The following UBE4A variants were observed in gnomAD, a reference collection of about 807,000 sequenced individuals.
UBE4A encodes ubiquitination factor E4A, also known as ubiquitin conjugation factor E4 A.
A neutral mutation model predicts 117.9 loss-of-function variants in UBE4A; 48 were observed. That is an observed-to-expected ratio of 0.41 (90% CI 0.32 to 0.52). The LOEUF is 0.52. UBE4A is among the 20% of genes least tolerant of loss of function. The probability of loss-of-function intolerance (pLI) is 0.33; values close to 1 mark genes in which losing one functional copy is unlikely to be tolerated. For synonymous variants in UBE4A, 407 were observed against 450.0 expected (o/e 0.90, Z 1.21); for missense variants, 1,067 against 1,296.3 (o/e 0.82, Z 2.72).
intron 18 of UBE4A, among the ~76,000 whole-genome samples, chr11:118,391,416 G>T (rs1948815512): frequency 6.6e-6 from 1 of 151,588 alleles, no homozygotes; most frequent in Non-Finnish European, 1.5e-5. Flanking sequence ...TTGAACCTGG[G>T]AGGCGGAGGT....
intron 16 of UBE4A, 135 bp downstream of exon 16, chr11:118,386,747 C>G: frequency 9.8e-7 from 1 of 1,019,148 alleles, no homozygotes; most frequent in Non-Finnish European, 1.4e-6. Flanking sequence ...GGAAACGAAT[C>G]ACTTGAGAAG....
chr11:118,367,518 CTT>C (rs36110679), intron 2 of UBE4A, among the ~76,000 whole-genome samples: 191 of 123,278 alleles, frequency 1.5e-3, no homozygotes, highest in African/African-American at 3.8e-3. Context: ...TAAATGTTAA[CTT>C]TTTTTTTTTT....
intron 19 of UBE4A, among the ~76,000 whole-genome samples, chr11:118,394,647 T>G (rs1443599761): frequency 2.0e-5 from 3 of 151,806 alleles, no homozygotes; most frequent in Non-Finnish European, 4.4e-5. Flanking sequence ...GACACATGCC[T>G]GTTGTAATCC....
At position 118,396,541 on chromosome 11, in the gene UBE4A, C is replaced by CTTTTTTTTTTTT; in HGVS notation, c.*106_*107insTTTTTTTTTTTT. ...TTCTGTTCCTTTTCTTTCTTCTTTT[C>CTTTTTTTTTTTT]TTTTTCTTTTTTTTTTTTTTTTTTA... On this transcript the variant is annotated 3_prime_UTR_variant, in exon 20 of 20. Coordinates refer to ENST00000252108, the MANE Select transcript of UBE4A (RefSeq NM_001204077.2). 1 of 911,764 alleles carries CTTTTTTTTTTTT rather than the reference C, an allele frequency of 1.1e-6. No homozygotes were observed. 56.5% of individuals were successfully genotyped at this position (911,764 alleles called of 1,614,324 possible).
intron 4 of UBE4A, among the ~76,000 whole-genome samples, chr11:118,369,953 A>C (rs1052545430): frequency 5.3e-5 from 8 of 152,062 alleles, no homozygotes; most frequent in African/African-American, 1.9e-4. Flanking sequence ...TTAGCTGGGC[A>C]TGGTGGTGGG....
rs1948879647 is a variant in UBE4A at position 118,396,905 on chromosome 11, T to G, written c.*465T>G. Reference sequence around the variant, plus strand: ...AAATCCTGTTATCCTGTGTATTTACTAGTCCTCATGATCTAGACTTAACCC... The same window carrying G: ...AAATCCTGTTATCCTGTGTATTTACGAGTCCTCATGATCTAGACTTAACCC... On this transcript the variant is annotated 3_prime_UTR_variant, in exon 20 of 20. Coordinates refer to ENST00000252108, the MANE Select transcript of UBE4A (RefSeq NM_001204077.2). The G allele has an allele frequency of 6.3e-6, 1 of 159,672 alleles. No homozygotes were observed. Among genetic ancestry groups the G allele is most frequent in the African/African-American group, 2.4e-5 (1 of 41,518 alleles). The allele number at this position is 159,672 out of a possible 1,614,324, so 9.9% of individuals were successfully genotyped here.
intron 2 of UBE4A, among the ~76,000 whole-genome samples, chr11:118,366,419 A>T (rs547033004): frequency 5.6e-4 from 86 of 152,362 alleles, no homozygotes; most frequent in African/African-American, 1.9e-3. Flanking sequence ...ACTCAACAGT[A>T]TAGCAGCTGA....
At position 118,396,652 on chromosome 11, in the gene UBE4A, A is replaced by G; in HGVS notation, c.*212A>G. The G allele has an allele frequency of 2.3e-6, 1 of 425,938 alleles. No individual in the cohort carries two copies. The allele number at this position is 425,938 out of a possible 1,614,324, so 26.4% of individuals were successfully genotyped here. On this transcript the variant is annotated 3_prime_UTR_variant, in exon 20 of 20. Transcript: ENST00000252108. Reference sequence around the variant, plus strand: ...ATGCTCCCCTGGCTTGCAGGAAATTATACTTATTATAGCATCACCAAGTTT... The same window carrying G: ...ATGCTCCCCTGGCTTGCAGGAAATTGTACTTATTATAGCATCACCAAGTTT...
rs1948551446 is a variant in UBE4A, at chr11:118,365,018, CTAA to C, written c.-41-19_-41-17del. The C allele has an allele frequency of 6.3e-7, 1 of 1,575,436 alleles. No homozygotes were observed. The highest frequency in any genetic ancestry group is 8.6e-7 in the Non-Finnish European group (1 of 1,161,230). On this transcript the variant is annotated intron_variant, in intron 1 of 19. Coordinates refer to ENST00000252108, the MANE Select transcript of UBE4A (RefSeq NM_001204077.2). ...TATTGTGTCATCTGCCCTCTTGTGT[CTAA>C]TACCTGTCCTTTGAACAGCCTCTCC...
At chr11:118,393,971 G>A (rs1948844620) in intron 19 of UBE4A, among the ~76,000 whole-genome samples, 1 of 152,120 alleles carries the variant, frequency 6.6e-6, no homozygotes, top group Non-Finnish European at 1.5e-5. Flanking sequence ...TGTTGTATCA[G>A]CTGTGGTAAC....
chr11:118,388,355 A>C (rs1428714794), intron 16 of UBE4A, among the ~76,000 whole-genome samples: 1 of 152,160 alleles, frequency 6.6e-6, no homozygotes, highest in Non-Finnish European at 1.5e-5. Flanking sequence ...CAGATTTGTT[A>C]AGAAGAAGCG....
intron 1 of UBE4A, among the ~76,000 whole-genome samples, chr11:118,360,687 G>A (rs2134082069): frequency 6.6e-6 from 1 of 152,292 alleles, no homozygotes; most frequent in South Asian, 2.1e-4. Context: ...ACACACTTGT[G>A]TGTTCATGAG....
In UBE4A at chr11:118,379,688, C is replaced by T; in HGVS notation, c.1814C>T (p.Ser605Leu). The change falls in exon 11 of 20, where the codon TCA (serine) becomes TTA (leucine). Residue 605 changes from serine to leucine, a missense_variant. Ser to Leu is a moderately radical substitution (Grantham distance 145, BLOSUM62 -2). This residue lies in a region of UBE4A where 1,001 missense variants were observed against 1,184.0 expected (regional missense o/e 0.85). Coordinates refer to ENST00000252108, the MANE Select transcript of UBE4A (RefSeq NM_001204077.2). ...LVQLAIGNEG[S>L]QPIELTFPLP... ...CAACTGGCCATAGGCAATGAGGGCTCACAGCCAATAGAGCTAACCTTTCCT... is the reference window on the plus strand; with the variant it reads ...CAACTGGCCATAGGCAATGAGGGCTTACAGCCAATAGAGCTAACCTTTCCT... The T allele has an allele frequency of 2.5e-6, 4 of 1,614,216 alleles. No individual in the cohort carries two copies. Among genetic ancestry groups the T allele is most frequent in the Non-Finnish European group, 3.4e-6 (4 of 1,180,022 alleles).
At chr11:118,380,134 CGTGTGTGTGTGTGTGT>C (rs55892936) in intron 11 of UBE4A, among the ~76,000 whole-genome samples, 1,461 of 137,042 alleles carry the variant, frequency 0.011, 12 homozygotes, top group African/African-American at 0.026. Context: ...TGTGTGTGTG[CGTGTGTGTGTGTGTGT>C]GTGTGTGTGT....
In UBE4A at chr11:118,384,866, C is replaced by A; in HGVS notation, c.2333C>A (p.Ala778Asp). The A allele has an allele frequency of 1.2e-6, 2 of 1,612,980 alleles. No individual in the cohort carries two copies. The highest frequency in any genetic ancestry group is 1.1e-5 in the South Asian group (1 of 91,040). ...LADYASKNLE[A>D]MNPPLFLRFL... ...GACTATGCCTCTAAGAATTTAGAAG[C>A]CATGAATCCCCCACTTTTCCTCCGC... Residue 778 changes from alanine to aspartate, a missense_variant, in exon 15 of 20, where the codon GCC (alanine) becomes GAC (aspartate). Ala to Asp is a moderately radical substitution (Grantham distance 126, BLOSUM62 -2). Around this residue, in one of 3 missense-constraint regions of UBE4A, gnomAD observed 1,001 missense variants for 1,184.0 expected, o/e 0.85. Transcript: ENST00000252108.
intron 12 of UBE4A, 91 bp from the exon 13 acceptor site, chr11:118,382,498 A>T: frequency 8.8e-7 from 1 of 1,139,160 alleles, no homozygotes; most frequent in Non-Finnish European, 1.1e-6. Context: ...AATATGGTTT[A>T]GGGTGGATTT....
chr11:118,359,918 C>T (rs1424687770), intron 1 of UBE4A, among the ~76,000 whole-genome samples: 1 of 152,194 alleles, frequency 6.6e-6, no homozygotes, highest in Non-Finnish European at 1.5e-5. Context: ...CAAGCCCCTC[C>T]TGGAAGAGGC....
chr11:118,389,439 G>A (rs782595425), intron 16 of UBE4A, among the ~76,000 whole-genome samples: 2 of 152,116 alleles, frequency 1.3e-5, no homozygotes, highest in African/African-American at 2.4e-5. Context: ...GTGTAAATAA[G>A]GACAGAAAAG....
intron 4 of UBE4A, among the ~76,000 whole-genome samples, chr11:118,370,528 G>A (rs973506576): frequency 6.6e-6 from 1 of 152,016 alleles, no homozygotes; most frequent in African/African-American, 2.4e-5. Context: ...GGCTGAGGTG[G>A]GAGGATTGCT....
Sources: allele counts gnomAD v4.1 joint callset (sites outside exome capture counted in the v4.1 genomes callset), GRCh38; gene constraint gnomAD v4.1.1; regional missense constraint gnomAD v4.1.1; transcripts MANE v1.5; gene names NCBI Gene and HGNC (gene_info 2026-07-23, HGNC 2026-07-21).